The following TXN2 variants were observed in gnomAD, a reference collection of about 807,000 sequenced individuals.
The protein encoded by TXN2 is thioredoxin, mitochondrial.
In TXN2, 12 loss-of-function variants were observed where a neutral mutation model predicts 14.6. The observed-to-expected ratio is 0.82, with a 90% CI of 0.53 to 1.33. TXN2 has a LOEUF of 1.33. Ranked by LOEUF, TXN2 falls within the 40% of genes most tolerant of loss-of-function variation. The probability of loss-of-function intolerance (pLI) is 0.00; values close to 1 mark genes in which losing one functional copy is unlikely to be tolerated. For synonymous variants in TXN2, 89 were observed against 81.0 expected, an observed-to-expected ratio of 1.10 and a Z score of -0.53; for missense variants, 173 against 207.7, an observed-to-expected ratio of 0.83 and a Z score of 1.03.
chr22:36,469,725 G>A (rs548083191), intron 3 of TXN2, among the ~76,000 whole-genome samples: 1 of 152,340 alleles, frequency 6.6e-6, no homozygotes, highest in South Asian at 2.1e-4. Context: ...GGAAGCCAAA[G>A]CGGGCAGATC....
intron 3 of TXN2, among the ~76,000 whole-genome samples, chr22:36,468,306 G>T (rs573772259): frequency 1.3e-5 from 2 of 152,230 alleles, no homozygotes; most frequent in Non-Finnish European, 2.9e-5. Flanking sequence ...GACAGTTCGA[G>T]TCCTGGCTTT....
rs1312671166 is a variant in TXN2, at chr22:36,476,799, C to T, written c.321G>A (p.Gln107=). The change falls in exon 3 of 4, where the codon CAG becomes CAA. Residue 107 remains glutamine, a synonymous_variant. Transcript: ENST00000216185. ...CCTTGGCCATCACCACCTTCCCGTGCTGCTTGGCCACCATCTTCTCTAACC... is the reference window on the plus strand; with the variant it reads ...CCTTGGCCATCACCACCTTCCCGTGTTGCTTGGCCACCATCTTCTCTAACC... ...GPRLEKMVAK[Q]HGKVVMAKVD... is the part of the protein sequence containing the mutation. 1 of 1,614,072 alleles carries T rather than the reference C, an allele frequency of 6.2e-7. No homozygotes were observed. Among genetic ancestry groups the T allele is most frequent in the Non-Finnish European group, 8.5e-7 (1 of 1,180,040 alleles).
At position 36,480,664 on chromosome 22, in the gene TXN2, G is replaced by A. The variant is rs1933480868; in HGVS notation, c.174C>T (p.Ser58=). The change falls in exon 2 of 4, where the codon TCC becomes TCT. Residue 58 remains serine, a synonymous_variant. Coordinates refer to ENST00000216185, the MANE Select transcript of TXN2 (RefSeq NM_012473.4). ...PARTIYTTRI[S]LTTFNIQDGP... ...CATCCTGGATATTAAAGGTTGTCAA[G>A]GAGATCCTCGTGGTGTATATTGTCC... 1.9e-6 allele frequency: 3 copies of A among 1,614,082 alleles called. No individual in the cohort carries two copies. Among genetic ancestry groups the A allele is most frequent in the Non-Finnish European group, 2.5e-6 (3 of 1,180,050 alleles).
chr22:36,474,048 A>T (rs1933337529), intron 3 of TXN2, among the ~76,000 whole-genome samples: 1 of 152,192 alleles, frequency 6.6e-6, no homozygotes, highest in Non-Finnish European at 1.5e-5. Context: ...TCTGAAGCCC[A>T]CGCGTGACCT....
At chr22:36,468,009 T>C in intron 3 of TXN2, 92 bp from the exon 4 acceptor site, 1 of 1,107,172 alleles carries the variant, frequency 9.0e-7, no homozygotes, top group Non-Finnish European at 1.4e-6. Flanking sequence ...GCTGGTGGCT[T>C]ATCCAGGGCA....
At chr22:36,475,379 G>C (rs1018806930) in intron 3 of TXN2, among the ~76,000 whole-genome samples, 1 of 152,072 alleles carries the variant, frequency 6.6e-6, no homozygotes, top group Non-Finnish European at 1.5e-5. Context: ...ACTCTGTCTC[G>C]AAAAAACAAA....
In TXN2 at chr22:36,481,564, C is replaced by T. The variant is rs1933504070; in HGVS notation, c.-1G>A. The T allele has an allele frequency of 2.0e-6, 2 of 1,000,056 alleles. No individual in the cohort carries two copies. Among genetic ancestry groups the T allele is most frequent in the South Asian group, 4.7e-5 (1 of 21,310 alleles). The allele number at this position is 1,000,056 out of a possible 1,614,324, so 61.9% of individuals were successfully genotyped here. ...CGAGCCACCCCCACAGGGCTCCTAC[C>T]TCCCTGCAATGCGAGCGGAGGGATG... On this transcript the variant is annotated splice_region_variant and 5_prime_UTR_variant, in exon 1 of 4. Transcript: ENST00000216185.
At chr22:36,471,732 G>A (rs1448184318) in intron 3 of TXN2, among the ~76,000 whole-genome samples, 3 of 152,190 alleles carry the variant, frequency 2.0e-5, no homozygotes, top group Admixed American at 6.5e-5. Context: ...ACTTTGGGAG[G>A]CTGAGGAAGG....
Position 36,468,801 on chromosome 22 carries a change from GGAGGCT to G in TXN2, c.388-890_388-885del, listed in dbSNP as rs563872982. ...TCACACCTGTAATCCCAGCATTTTG[GGAGGCT>G]GAGGTGGGCAGATCATTTGAGGTCA... is the stretch of plus-strand genomic sequence containing the variant. On this transcript the variant is annotated intron_variant, in intron 3 of 3. Coordinates refer to ENST00000216185, the MANE Select transcript of TXN2 (RefSeq NM_012473.4). 6.5e-3 allele frequency: 2,203 copies of G among 338,276 alleles called. 15 individuals carry two copies. The highest frequency in any genetic ancestry group is 9.8e-3 in the Non-Finnish European group (1,637 of 166,534). The allele number at this position is 338,276 out of a possible 1,614,324, so 21.0% of individuals were successfully genotyped here.
Position 36,480,712 on chromosome 22 carries a change from C to G in TXN2, c.126G>C (p.Leu42=). The change falls in exon 2 of 4, where the codon CTG becomes CTC. Residue 42 remains leucine (L), a synonymous_variant. Transcript: ENST00000216185. The part of the protein sequence containing the change: ...LQTPQCSPGG[L]TVTPNPARTI... ...TCCGGGCTGGGTTGGGTGTTACAGT[C>G]AGGCCACCAGGACTGCATTGTGGGG... The G allele has an allele frequency of 6.2e-7, 1 of 1,614,124 alleles. No homozygotes were observed. The highest frequency in any genetic ancestry group is 1.1e-5 in the South Asian group (1 of 91,076).
At chr22:36,478,401 G>T (rs1254506571) in intron 2 of TXN2, among the ~76,000 whole-genome samples, 5 of 152,094 alleles carry the variant, frequency 3.3e-5, no homozygotes, top group Admixed American at 1.3e-4. Flanking sequence ...ATTTCGGAAG[G>T]CCTCTCTGGA....
At chr22:36,470,903 T>A (rs10211976) in intron 3 of TXN2, among the ~76,000 whole-genome samples, 1 of 151,904 alleles carries the variant, frequency 6.6e-6, no homozygotes, top group Non-Finnish European at 1.5e-5. Context: ...GTGCTGTCAA[T>A]GGAGGTCTGG....
rs192948997 is a variant in TXN2, at chr22:36,474,628, G to A, written c.387+2105C>T. Among the ~76,000 whole-genome samples the A allele has an allele frequency of 2.0e-5, 3 of 152,334 alleles. No homozygotes were observed. In the East Asian group the frequency reaches 5.8e-4, roughly 29 times the overall value. On this transcript the variant is annotated intron_variant, in intron 3 of 3. Coordinates refer to ENST00000216185, the MANE Select transcript of TXN2 (RefSeq NM_012473.4). ...ATATCGAGATTTTCACATGAAATCT[G>A]AGTTTCAAATATCAGCATCTGCTTC...
Position 36,480,581 on chromosome 22 carries a change from T to C in TXN2, c.257A>G (p.His86Arg), listed in dbSNP as rs775518452. 1 of 1,613,484 alleles carries C rather than the reference T, an allele frequency of 6.2e-7. No individual in the cohort carries two copies. The highest frequency in any genetic ancestry group is 8.5e-7 in the Non-Finnish European group (1 of 1,179,814). Reference protein sequence around the residue: ...NSETPVVVDFHAQWCGPCKIL... With the variant: ...NSETPVVVDFRAQWCGPCKIL... The stretch of plus-strand genomic sequence containing the variant: ...GTGGACCCCCAATACTCACTGTGCG[T>C]GGAAATCCACAACCACTGGTGTCTC... The change falls in exon 2 of 4, where the codon CAC becomes CGC. Residue 86 changes from histidine (H) to arginine (R), a missense_variant. Coordinates refer to ENST00000216185, the MANE Select transcript of TXN2 (RefSeq NM_012473.4).
rs572186655 is a variant in TXN2 at position 36,467,676 on chromosome 22, G to A, written c.*128C>T. On this transcript the variant is annotated 3_prime_UTR_variant, in exon 4 of 4. Coordinates refer to ENST00000216185, the MANE Select transcript of TXN2 (RefSeq NM_012473.4). ...GCCAGCTCGGAAGCACTCAGGGCTG[G>A]AGCCTGGGCTCTAAGCATGGGCCCC... is the stretch of plus-strand genomic sequence containing the variant. The A allele has an allele frequency of 5.0e-6, 4 of 797,698 alleles. No individual in the cohort carries two copies. The highest frequency in any genetic ancestry group is 4.1e-5 in the Admixed American group (2 of 48,950). The allele number at this position is 797,698 out of a possible 1,614,324, so 49.4% of individuals were successfully genotyped here. A position where few individuals can be genotyped will look rare whatever the true frequency, so the allele number is the denominator to read the frequency against.
rs111479719 is a variant in TXN2, at chr22:36,475,241, G to A, written c.387+1492C>T. 3.1e-3 allele frequency among the ~76,000 whole-genome samples: 471 copies of A among 152,142 alleles called. 5 individuals carry two copies. The highest frequency in any genetic ancestry group is 0.011 in the African/African-American group (436 of 41,490). Reference sequence around the variant, plus strand: ...AAAAATACAAAAAATTAGCCGGCGTGGTGGCGCGTGCCTGTAATCTCAGCT... The same window carrying A: ...AAAAATACAAAAAATTAGCCGGCGTAGTGGCGCGTGCCTGTAATCTCAGCT... On this transcript the variant is annotated intron_variant, in intron 3 of 3. Transcript: ENST00000216185.
chr22:36,481,504 C>G, intron 1 of TXN2, 60 bp downstream of exon 1: 4 of 915,376 alleles, frequency 4.4e-6, no homozygotes, highest in Non-Finnish European at 5.3e-6. Context: ...TGCGCAGGAA[C>G]GCGCTCGCGG....
At chr22:36,475,082 T>G (rs568030395) in intron 3 of TXN2, among the ~76,000 whole-genome samples, 2 of 152,142 alleles carry the variant, frequency 1.3e-5, no homozygotes, top group Non-Finnish European at 2.9e-5. Context: ...ATCCCACCCT[T>G]TAAAAAAGAA....
intron 2 of TXN2, 50 bp downstream of exon 2, chr22:36,480,525 A>T: frequency 1.3e-6 from 2 of 1,585,616 alleles, no homozygotes; most frequent in East Asian, 4.5e-5. Context: ...GCATTCAATA[A>T]ATACTTGAAC....
Sources: allele counts gnomAD v4.1 joint callset (sites outside exome capture counted in the v4.1 genomes callset), GRCh38; gene constraint gnomAD v4.1.1; transcripts MANE v1.5; gene names NCBI Gene and HGNC (gene_info 2026-07-23, HGNC 2026-07-21).